Variants in ERBB4 observed in about 807,000 individuals in gnomAD.
The protein encoded by ERBB4 is erb-b2 receptor tyrosine kinase 4.
In ERBB4, 42 loss-of-function variants were observed where a neutral mutation model predicts 158.0. That is an observed-to-expected ratio of 0.27 (90% confidence interval 0.21 to 0.34). The LOEUF (loss-of-function observed/expected upper bound fraction) is 0.34, where lower values mean the gene tolerates loss of function less well. Among genes scored for constraint, ERBB4 ranks in the 10% least tolerant of loss-of-function variants. ERBB4 has a pLI of 1.00. For synonymous variants in ERBB4, 583 were observed against 558.7 expected (o/e 1.04, Z -0.61); for missense variants, 1,333 against 1,624.1 (o/e 0.82, Z 3.08).
intron 20 of ERBB4, among the ~76,000 whole-genome samples, chr2:211,496,346 T>TACTTCAACAGAGA: frequency 6.6e-6 from 1 of 152,036 alleles, no homozygotes; most frequent in Non-Finnish European, 1.5e-5. Context: ...ACACTTCTGT[T>TACTTCAACAGAGA]TGAGCCTCTA....
intron 20 of ERBB4, among the ~76,000 whole-genome samples, chr2:211,544,814 G>T (rs1255563897): frequency 6.6e-6 from 1 of 151,990 alleles, no homozygotes; most frequent in Non-Finnish European, 1.5e-5. Context: ...CTACAAGATT[G>T]AACTTGTTTC....
chr2:211,639,793 C>T (rs1250968702), intron 16 of ERBB4, among the ~76,000 whole-genome samples: 1 of 152,082 alleles, frequency 6.6e-6, no homozygotes, highest in African/African-American at 2.4e-5. Flanking sequence ...GCCATCTTGG[C>T]TCACTGCAAC....
At chr2:211,505,820 C>A (rs2065732345) in intron 20 of ERBB4, among the ~76,000 whole-genome samples, 1 of 151,882 alleles carries the variant, frequency 6.6e-6, no homozygotes, top group South Asian at 2.1e-4. Context: ...ATTAGCTAGG[C>A]GTGGTAGTGG....
At chr2:212,268,663 A>T (rs1194110826) in intron 1 of ERBB4, among the ~76,000 whole-genome samples, 3 of 151,852 alleles carry the variant, frequency 2.0e-5, no homozygotes, top group Non-Finnish European at 2.9e-5. Flanking sequence ...ACTCAAATCT[A>T]TATTGTAGGA....
At chr2:212,453,013 CAT>C (rs1688083629) in intron 1 of ERBB4, among the ~76,000 whole-genome samples, 1 of 152,088 alleles carries the variant, frequency 6.6e-6, no homozygotes, top group Non-Finnish European at 1.5e-5. Context: ...TGAGATAAAA[CAT>C]GTTCAAACTC....
chr2:212,412,921 TG>T (rs1293311555), intron 1 of ERBB4, among the ~76,000 whole-genome samples: 2 of 152,098 alleles, frequency 1.3e-5, no homozygotes, highest in Non-Finnish European at 2.9e-5. Flanking sequence ...TAATTCCCTC[TG>T]TATTGGTTTG....
rs2092457436 is a variant in ERBB4, at chr2:212,452,271, G to C, written c.82+86178C>G. Among the ~76,000 whole-genome samples, 3 of 152,020 alleles carry C rather than the reference G, an allele frequency of 2.0e-5. No individual in the cohort carries two copies. The South Asian group carries it at 6.2e-4, about 31-fold the overall frequency. On this transcript the variant is annotated intron_variant, in intron 1 of 27. Coordinates refer to ENST00000342788, the MANE Select transcript of ERBB4 (RefSeq NM_005235.3). ...AGCCTTGTGACAATGTCAGTCTTCT[G>C]AAAAGATTAAACTATAATTCTTTTA...
chr2:212,452,844 A>G (rs1308051700), intron 1 of ERBB4, among the ~76,000 whole-genome samples: 4 of 152,184 alleles, frequency 2.6e-5, no homozygotes, highest in African/African-American at 7.2e-5. Flanking sequence ...TTTTTAAAAC[A>G]TAAATATTTT....
chr2:212,359,229 T>C (rs1374814378), intron 1 of ERBB4, among the ~76,000 whole-genome samples: 1 of 136,852 alleles, frequency 7.3e-6, no homozygotes, highest in Non-Finnish European at 1.5e-5. Context: ...AAATGTGATA[T>C]ATAAAAGTCA....
At chr2:211,670,011 C>CA (rs1251862310) in intron 14 of ERBB4, among the ~76,000 whole-genome samples, 1 of 152,008 alleles carries the variant, frequency 6.6e-6, no homozygotes, top group Non-Finnish European at 1.5e-5. Flanking sequence ...ATTCATAGAT[C>CA]AAAAAATGTG....
At chr2:211,780,478 T>C (rs1362881297) in intron 4 of ERBB4, among the ~76,000 whole-genome samples, 1 of 152,224 alleles carries the variant, frequency 6.6e-6, no homozygotes, top group Non-Finnish European at 1.5e-5. Context: ...AAAACCAGGC[T>C]AGCAGGTGTA....
chr2:212,492,291 A>C (rs1238374220), intron 1 of ERBB4, among the ~76,000 whole-genome samples: 1 of 151,454 alleles, frequency 6.6e-6, no homozygotes, highest in East Asian at 1.9e-4. Context: ...TTTTCAAAGA[A>C]ATAGACCAGA....
At chr2:212,470,524 C>A (rs1359214821) in intron 1 of ERBB4, among the ~76,000 whole-genome samples, 1 of 152,098 alleles carries the variant, frequency 6.6e-6, no homozygotes, top group East Asian at 1.9e-4. Flanking sequence ...GAACCTTATT[C>A]TTTGAATGGC....
chr2:211,461,862 T>C lies in ERBB4; in HGVS notation c.2488-30762A>G, dbSNP rs914064894. Reference sequence around the variant, plus strand: ...TACTCTGGGCCAACCATTTTAACAGTGTGTATTAGTTCCTACACTGCTATT... The same window carrying C: ...TACTCTGGGCCAACCATTTTAACAGCGTGTATTAGTTCCTACACTGCTATT... On this transcript the variant is annotated intron_variant, in intron 20 of 27. Coordinates refer to ENST00000342788, the MANE Select transcript of ERBB4 (RefSeq NM_005235.3). 2.6e-5 allele frequency among the ~76,000 whole-genome samples: 4 copies of C among 151,776 alleles called. No individual in the cohort carries two copies. The South Asian group carries it at 6.2e-4, about 24-fold the overall frequency.
chr2:211,671,879 A>AC (rs1445769026), intron 14 of ERBB4, among the ~76,000 whole-genome samples: 1 of 152,118 alleles, frequency 6.6e-6, no homozygotes, highest in Non-Finnish European at 1.5e-5. Flanking sequence ...AGTTAATTGT[A>AC]TTTTTCATGA....
intron 16 of ERBB4, among the ~76,000 whole-genome samples, chr2:211,652,973 CAAAA>C (rs375904274): frequency 6.7e-6 from 1 of 149,754 alleles, no homozygotes; most frequent in African/African-American, 2.5e-5. Flanking sequence ...AACAAACAAA[CAAAA>C]AAAAATCTTT....
chr2:211,728,411 GCTTATATTGATATTT>G (rs1211039289), intron 5 of ERBB4, among the ~76,000 whole-genome samples: 1 of 151,242 alleles, frequency 6.6e-6, no homozygotes, highest in Non-Finnish European at 1.5e-5. Context: ...CATACATTAT[GCTTATATTGATATTT>G]CTATCTTTTA....
rs1384965528 is a variant in ERBB4, at chr2:211,947,505, C to G, written c.346G>C (p.Ala116Pro). ...RGTKLYEDRY[A>P]LAIFLNYRKD... ...CTGTAGTTTAAAAATATTGCCAAGG[C>G]ATATCGATCCTCATAAAGTTTTGTC... The change falls in exon 3 of 28, where the codon GCC (alanine) becomes CCC (proline). Residue 116 changes from alanine (A) to proline (P), a missense_variant. By Grantham distance (27) the Ala-to-Pro change is conservative. Coordinates refer to ENST00000342788, the MANE Select transcript of ERBB4 (RefSeq NM_005235.3). The G allele has an allele frequency of 6.2e-7, 1 of 1,613,828 alleles. No individual in the cohort carries two copies. Among genetic ancestry groups the G allele is most frequent in the Non-Finnish European group, 8.5e-7 (1 of 1,179,888 alleles).
chr2:212,097,874 G>C (rs1419014631), intron 2 of ERBB4, among the ~76,000 whole-genome samples: 1 of 152,146 alleles, frequency 6.6e-6, no homozygotes, highest in Non-Finnish European at 1.5e-5. Flanking sequence ...GTAGTAGACA[G>C]GTGAGAGTTA....
Sources: gnomAD v4.1 joint callset for allele counts (sites outside exome capture counted in the v4.1 genomes callset) on GRCh38, gnomAD v4.1.1 for gene constraint, MANE v1.5 for transcripts, NCBI Gene and HGNC (gene_info 2026-07-23, HGNC 2026-07-21) for gene names.